Variants in MACF1 observed in about 807,000 individuals in gnomAD.
MACF1 encodes the protein microtubule actin crosslinking factor 1, also known as microtubule-actin cross-linking factor 1.
In MACF1, 193 loss-of-function variants were observed where a neutral mutation model predicts 854.8. That is an observed-to-expected ratio of 0.23 (90% CI 0.20 to 0.25). The LOEUF is 0.25. Ranked by LOEUF, MACF1 falls within the 10% of genes least tolerant of loss-of-function variation. The pLI is 1.00. For synonymous variants in MACF1, 3,185 were observed against 3,226.7 expected, an observed-to-expected ratio of 0.99 and a Z score of 0.44; for missense variants, 7,722 against 8,929.1, an observed-to-expected ratio of 0.86 and a Z score of 5.45.
chr1:39,264,079 G>T (rs1340354244), intron 6 of MACF1, among the ~76,000 whole-genome samples: 1 of 151,998 alleles, frequency 6.6e-6, no homozygotes, highest in Non-Finnish European at 1.5e-5. Flanking sequence ...AGCATGATTT[G>T]TTCATTTTAA....
At chr1:39,186,427 C>T (rs1278755815) in intron 2 of MACF1, among the ~76,000 whole-genome samples, 7 of 151,538 alleles carry the variant, frequency 4.6e-5, no homozygotes, top group Admixed American at 1.3e-4. Flanking sequence ...CCACCACGCC[C>T]GGCCTAGAAA....
At chr1:39,131,773 A>G (rs951737365) in intron 2 of MACF1, among the ~76,000 whole-genome samples, 4 of 152,164 alleles carry the variant, frequency 2.6e-5, no homozygotes, top group Admixed American at 2.6e-4. Context: ...GATATAGAGA[A>G]TTTTTGTTTC....
intron 60 of MACF1, among the ~76,000 whole-genome samples, chr1:39,423,670 G>A (rs1370298012): frequency 6.6e-6 from 1 of 151,328 alleles, no homozygotes; most frequent in Non-Finnish European, 1.5e-5. Flanking sequence ...AATATACAAT[G>A]TGATGGTTTG....
At chr1:39,360,050 TATAC>T (rs1174518964) in intron 47 of MACF1, among the ~76,000 whole-genome samples, 672 of 58,254 alleles carry the variant, frequency 0.012, 3 homozygotes, top group Non-Finnish European at 0.018. Context: ...TATATATATA[TATAC>T]ACACACACAC....
At chr1:39,193,309 CAGAG>C (rs970920514) in intron 2 of MACF1, among the ~76,000 whole-genome samples, 1 of 151,656 alleles carries the variant, frequency 6.6e-6, no homozygotes, top group African/African-American at 2.4e-5. Flanking sequence ...GTCAAAATGC[CAGAG>C]AGAGAGATTA....
chr1:39,203,121 T>C (rs1557515971), upstream of MACF1, among the ~76,000 whole-genome samples: 1 of 152,152 alleles, frequency 6.6e-6, no homozygotes, highest in Non-Finnish European at 1.5e-5. Flanking sequence ...AAAAATAAAC[T>C]TGACAGATAT....
chr1:39,413,022 G>A, intron 58 of MACF1: 2 of 1,584,174 alleles, frequency 1.3e-6, no homozygotes, highest in Non-Finnish European at 1.7e-6. Context: ...TCCCTGAAGG[G>A]ACTGCTGCAG....
intron 58 of MACF1, among the ~76,000 whole-genome samples, chr1:39,421,234 A>G (rs1436840974): frequency 6.6e-6 from 1 of 152,226 alleles, no homozygotes; most frequent in Non-Finnish European, 1.5e-5. Context: ...ACATGTCTAA[A>G]TCGTAATGGA....
At chr1:39,292,550 G>T (rs559282135) in intron 16 of MACF1, among the ~76,000 whole-genome samples, 12 of 152,296 alleles carry the variant, frequency 7.9e-5, no homozygotes, top group South Asian at 6.2e-4. Context: ...GGATAGTGAG[G>T]TCTGTTGTTT....
chr1:39,192,077 G>C (rs1405008609), intron 2 of MACF1, among the ~76,000 whole-genome samples: 1 of 152,096 alleles, frequency 6.6e-6, no homozygotes, highest in Non-Finnish European at 1.5e-5. Context: ...CTTGAACCTG[G>C]GAAGTGGAGA....
rs936795699 is a variant in MACF1, at chr1:39,332,815, A to T, written c.6227A>T (p.Asn2076Ile). The T allele has an allele frequency of 4.3e-6, 7 of 1,614,028 alleles. No individual in the cohort carries two copies. The highest frequency in any genetic ancestry group is 5.9e-6 in the Non-Finnish European group (7 of 1,180,034). Residue 2076 changes from asparagine to isoleucine, a missense_variant, in exon 37 of 101, where the codon AAC becomes ATC. Asn to Ile is a moderately radical substitution (Grantham distance 149). Around this residue, in one of 15 missense-constraint regions of MACF1, gnomAD observed 1,531 missense variants for 1,601.6 expected, o/e 0.96. Transcript: ENST00000564288. ...GAAACAGAAGATTCTTCTGTAGAGA[A>T]CCCTGAACAGGATCTGTTTGTAGAA... ...TVETEDSSVE[N>I]PEQDLFVEQK...
intron 99 of MACF1, among the ~76,000 whole-genome samples, chr1:39,482,871 TG>T (rs532858584): frequency 1.8e-4 from 27 of 150,422 alleles, no homozygotes; most frequent in Admixed American, 1.6e-3. Flanking sequence ...CCCAACACTT[TG>T]TGAGGCCGAG....
intron 2 of MACF1, among the ~76,000 whole-genome samples, chr1:39,139,628 C>T (rs1643288865): frequency 1.3e-5 from 2 of 152,168 alleles, no homozygotes; most frequent in South Asian, 4.1e-4. Context: ...CCTGTGCCTG[C>T]ATTTTCCTTT....
intron 2 of MACF1, among the ~76,000 whole-genome samples, chr1:39,242,736 CAAAAAAAAAAAAA>C (rs36020944): frequency 1.5e-5 from 2 of 135,344 alleles, no homozygotes; most frequent in African/African-American, 6.1e-5. Flanking sequence ...ACCCTATCTC[CAAAAAAAAAAAAA>C]AAAAAAAACT....
At chr1:39,455,474 GC>G (rs953626720) in intron 89 of MACF1, among the ~76,000 whole-genome samples, 1 of 152,148 alleles carries the variant, frequency 6.6e-6, no homozygotes. Flanking sequence ...CCTTCTAGAG[GC>G]CCCCTCAGGT....
Position 39,357,776 on chromosome 1 carries a change from G to A in MACF1, c.11826G>A (p.Gln3942=). ...GDLRFVTISG[Q]KVLDMENSFK... ...TGAGATTTGTGACTATCTCAGGACA[G>A]AAAGTCTTGGACATGGAAAACAGTT... is the stretch of plus-strand genomic sequence containing the variant. The change falls in exon 45 of 101, where the codon CAG becomes CAA. Residue 3942 remains glutamine (Q), a synonymous_variant. Transcript: ENST00000564288. 6.2e-7 allele frequency: 1 copy of A among 1,614,180 alleles called. No individual in the cohort carries two copies. Among genetic ancestry groups the A allele is most frequent in the Non-Finnish European group, 8.5e-7 (1 of 1,180,022 alleles).
Position 39,373,903 on chromosome 1 carries a change from G to A in MACF1, c.13213+1307G>A, listed in dbSNP as rs1021963351. On this transcript the variant is annotated intron_variant, in intron 52 of 100. Coordinates refer to ENST00000564288, the MANE Select transcript of MACF1 (RefSeq NM_001394062.1). ...AAAGGGGGTACAAAGATTGTGCCCA[G>A]ATGTGTATATAATCTTTCACTGCAA... Among the ~76,000 whole-genome samples the A allele has an allele frequency of 4.0e-5, 6 of 151,006 alleles. No homozygotes were observed. In the South Asian group the frequency reaches 1.3e-3, roughly 32 times the overall value.
chr1:39,453,839 C>T lies in MACF1; in HGVS notation c.20875C>T (p.Arg6959Cys), dbSNP rs994778648. 1.9e-6 allele frequency: 3 copies of T among 1,614,060 alleles called. No homozygotes were observed. Among genetic ancestry groups the T allele is most frequent in the Non-Finnish European group, 2.5e-6 (3 of 1,180,030 alleles). The change falls in exon 88 of 101, where the codon CGC becomes TGC. Residue 6959 changes from arginine (R) to cysteine (C), a missense_variant. Around this residue, in one of 15 missense-constraint regions of MACF1, gnomAD observed 729 missense variants for 900.5 expected, o/e 0.81. Coordinates refer to ENST00000564288, the MANE Select transcript of MACF1 (RefSeq NM_001394062.1). ...IKHWITIIRA[R>C]FEEVLTWAKQ... ...ACACTGGATCACCATCATCCGAGCT[C>T]GCTTCGAGGAGGTGAGTCCCTGGTT...
At chr1:39,446,492 A>AT (rs541475374) in intron 80 of MACF1, among the ~76,000 whole-genome samples, 9,097 of 144,458 alleles carry the variant, frequency 0.063, 352 homozygotes, top group African/African-American at 0.12. Flanking sequence ...ATTTATTGTA[A>AT]TTTTTTTTTT....
Sources: allele counts gnomAD v4.1 joint callset (sites outside exome capture counted in the v4.1 genomes callset), GRCh38; gene constraint gnomAD v4.1.1; regional missense constraint gnomAD v4.1.1; transcripts MANE v1.5; gene names NCBI Gene and HGNC (gene_info 2026-07-23, HGNC 2026-07-21).